Variants in WFDC3 observed in about 807,000 individuals in gnomAD.
The protein encoded by WFDC3 is WAP four-disulfide core domain 3.
WFDC3 carries 15 observed loss-of-function variants against 25.8 expected under a neutral mutation model. The observed-to-expected ratio is 0.58, with a 90% confidence interval of 0.39 to 0.89. WFDC3 has a LOEUF of 0.89. Among genes scored for constraint, WFDC3 ranks in the 40% least tolerant of loss-of-function variants. The pLI, the probability that WFDC3 is intolerant of heterozygous loss-of-function variation, is 0.00. For synonymous variants in WFDC3, 103 were observed against 107.1 expected (o/e 0.96, Z 0.24); for missense variants, 264 against 289.8 (o/e 0.91, Z 0.65).
At chr20:45,783,439 C>T (rs1980536877) in intron 4 of WFDC3, among the ~76,000 whole-genome samples, 1 of 151,986 alleles carries the variant, frequency 6.6e-6, no homozygotes, top group Non-Finnish European at 1.5e-5. Flanking sequence ...GATCACACCA[C>T]TGCACTCCAG....
At chr20:45,788,866 C>G (rs1473701423) in intron 3 of WFDC3, 65 bp downstream of exon 3, 1 of 1,539,998 alleles carries the variant, frequency 6.5e-7, no homozygotes, top group African/African-American at 1.4e-5. Context: ...AAGCTCTCTA[C>G]TTCCATCTAT....
intron 1 of WFDC3, among the ~76,000 whole-genome samples, chr20:45,791,297 C>CTTT (rs74176818): frequency 1.3e-5 from 1 of 79,166 alleles, no homozygotes; most frequent in African/African-American, 5.0e-5. Context: ...GCCTAATGTG[C>CTTT]TTTTTTTTTT....
chr20:45,776,636 A>T (rs1980188890), intron 5 of WFDC3, among the ~76,000 whole-genome samples: 2 of 78,386 alleles, frequency 2.6e-5, no homozygotes, highest in South Asian at 9.9e-4. Context: ...AAAAAAAAAA[A>T]TATATATATA....
chr20:45,780,502 G>C (rs1980395014), intron 4 of WFDC3, among the ~76,000 whole-genome samples: 1 of 152,108 alleles, frequency 6.6e-6, no homozygotes, highest in Admixed American at 6.6e-5. Context: ...TCCTGGCTTT[G>C]CCATGCTAGG....
intron 1 of WFDC3, chr20:45,790,859 T>C (rs1980934397): frequency 4.2e-6 from 2 of 470,746 alleles, no homozygotes; most frequent in African/African-American, 2.0e-5. Context: ...ATTCTTGGAC[T>C]GTATGAAGTC....
intron 4 of WFDC3, among the ~76,000 whole-genome samples, chr20:45,783,567 AAGTG>A (rs1980541932): frequency 6.6e-6 from 1 of 152,074 alleles, no homozygotes; most frequent in African/African-American, 2.4e-5. Context: ...CAGATAATAA[AAGTG>A]AGATTCAGAG....
intron 4 of WFDC3, among the ~76,000 whole-genome samples, chr20:45,783,207 G>A (rs1414826178): frequency 1.3e-5 from 2 of 152,094 alleles, no homozygotes; most frequent in Admixed American, 1.3e-4. Flanking sequence ...GATAGGTCAG[G>A]CATCAGATAG....
chr20:45,778,078 T>C (rs923672732), intron 4 of WFDC3, among the ~76,000 whole-genome samples: 1 of 152,110 alleles, frequency 6.6e-6, no homozygotes, highest in African/African-American at 2.4e-5. Context: ...CATTAGCAAA[T>C]GTAATGTAAG....
chr20:45,787,290 T>C (rs1342180009), intron 4 of WFDC3, among the ~76,000 whole-genome samples: 2 of 115,002 alleles, frequency 1.7e-5, no homozygotes, highest in African/African-American at 6.8e-5. Flanking sequence ...TTCTTTTTTT[T>C]TTTTTTTTTT....
chr20:45,787,150 G>A (rs1192031672), intron 4 of WFDC3, among the ~76,000 whole-genome samples: 1 of 133,564 alleles, frequency 7.5e-6, no homozygotes, highest in Non-Finnish European at 1.6e-5. Flanking sequence ...GGGGAAATGT[G>A]TGCCACCTTC....
At chr20:45,776,299 T>G (rs1225112146) in intron 5 of WFDC3, among the ~76,000 whole-genome samples, 1 of 140,354 alleles carries the variant, frequency 7.1e-6, no homozygotes, top group Non-Finnish European at 1.5e-5. Context: ...TGTGTGTGTG[T>G]GTGTGTGTGT....
intron 4 of WFDC3, among the ~76,000 whole-genome samples, chr20:45,784,198 T>C (rs1477376156): frequency 6.6e-6 from 1 of 152,234 alleles, no homozygotes; most frequent in African/African-American, 2.4e-5. Context: ...CCCAGGCTGG[T>C]TCCAGAGCTG....
chr20:45,785,687 C>A (rs144555352), intron 4 of WFDC3, among the ~76,000 whole-genome samples: 1 of 151,872 alleles, frequency 6.6e-6, no homozygotes, highest in African/African-American at 2.4e-5. Flanking sequence ...CCATGAAAAT[C>A]GTGAAACAAG....
chr20:45,775,327 GACCTTCTGAAGTCCCCTTCCCAGC>G, intron 6 of WFDC3, 66 bp downstream of exon 6: 2 of 1,514,230 alleles, frequency 1.3e-6, no homozygotes, highest in Non-Finnish European at 8.9e-7. Flanking sequence ...GACTTTTCCT[GACCTTCTGAAGTCCCCTTCCCAGC>G]ACCTAAGCCA....
In WFDC3 at chr20:45,789,015, G is replaced by A. The variant is rs570555447; in HGVS notation, c.127C>T (p.Leu43=). Reference sequence around the variant, plus strand: ...GGACACAATTCATCACCCTGGCACAGCTCTTTGCATGGGTTCTTATGGGGA... The same window carrying A: ...GGACACAATTCATCACCCTGGCACAACTCTTTGCATGGGTTCTTATGGGGA... The part of the protein sequence containing the change: ...CPPHKNPCKE[L]CQGDELCPAE... The change falls in exon 3 of 7, where the codon CTG becomes TTG. Residue 43 remains leucine, a synonymous_variant. Coordinates refer to ENST00000243938, the MANE Select transcript of WFDC3 (RefSeq NM_080614.2). 2.5e-6 allele frequency: 4 copies of A among 1,613,700 alleles called. No homozygotes were observed. The African/African-American group carries it at 5.3e-5, about 22-fold the overall frequency.
intron 4 of WFDC3, among the ~76,000 whole-genome samples, chr20:45,787,282 C>CTTT (rs1158318114): frequency 7.1e-4 from 52 of 73,674 alleles, no homozygotes; most frequent in African/African-American, 1.1e-3. Flanking sequence ...TTTCTTTTTT[C>CTTT]TTTTTTTTTT....
intron 4 of WFDC3, among the ~76,000 whole-genome samples, chr20:45,783,919 G>A (rs1425233533): frequency 6.6e-6 from 1 of 152,286 alleles, no homozygotes; most frequent in South Asian, 2.1e-4. Context: ...GCAGTAGCCA[G>A]TATCACCTCC....
chr20:45,777,293 T>C (rs984360932), intron 4 of WFDC3, 84 bp from the exon 5 acceptor site: 3 of 1,225,060 alleles, frequency 2.4e-6, no homozygotes. Context: ...TGTTTATATA[T>C]AGTTATATAT....
At chr20:45,787,094 A>T (rs1284380240) in intron 4 of WFDC3, among the ~76,000 whole-genome samples, 16 of 77,136 alleles carry the variant, frequency 2.1e-4, no homozygotes, top group Non-Finnish European at 3.8e-4. Context: ...ACTCTCTCTC[A>T]AAAAAAAAAA....
Sources: allele counts gnomAD v4.1 joint callset (sites outside exome capture counted in the v4.1 genomes callset), GRCh38; gene constraint gnomAD v4.1.1; transcripts MANE v1.5; gene names NCBI Gene and HGNC (gene_info 2026-07-23, HGNC 2026-07-21).